The following IGSF10 variants were observed in gnomAD, a reference collection of about 807,000 sequenced individuals.
IGSF10 encodes the protein immunoglobulin superfamily member 10.
IGSF10 carries 126 observed loss-of-function variants against 128.2 expected under a neutral mutation model. That is an observed-to-expected ratio of 0.98 (90% CI 0.85 to 1.14). IGSF10 has a LOEUF of 1.14. Ranked by LOEUF, IGSF10 falls within the 50% of genes most tolerant of loss-of-function variation. The pLI is 0.00. For missense variants in IGSF10, 3,295 were observed against 3,149.8 expected (o/e 1.05, Z -1.10); for synonymous variants, 1,185 against 1,146.2 (o/e 1.03, Z -0.68).
At chr3:151,467,255 A>G in the IGSF10 span, among the ~76,000 whole-genome samples, 2 of 152,156 alleles carry the variant, frequency 1.3e-5, no homozygotes, top group Non-Finnish European at 2.9e-5. Flanking sequence ...CACCCTGAAG[A>G]TGATGAAAAA....
chr3:151,440,514 T>G, intron 7 of IGSF10: 1 of 456,556 alleles, frequency 2.2e-6, no homozygotes, highest in Admixed American at 2.4e-5. Context: ...TGTTTAATCT[T>G]GAAGTAATTC....
At chr3:151,527,174 T>TA in the IGSF10 span, among the ~76,000 whole-genome samples, 2 of 152,296 alleles carry the variant, frequency 1.3e-5, no homozygotes, top group South Asian at 4.1e-4. Context: ...ATTTTGCCTT[T>TA]AAATGACAGA....
upstream of IGSF10, among the ~76,000 whole-genome samples, chr3:151,464,162 T>C (rs1722197075): frequency 6.6e-6 from 1 of 152,232 alleles, no homozygotes; most frequent in Non-Finnish European, 1.5e-5. Flanking sequence ...TAAACCTGTG[T>C]TTCCTGGACT....
the IGSF10 span, among the ~76,000 whole-genome samples, chr3:151,611,038 A>T: frequency 6.6e-6 from 1 of 152,326 alleles, no homozygotes; most frequent in East Asian, 1.9e-4. Context: ...CTGTCCAGCT[A>T]ATCTATAACT....
rs760604211 is a variant in IGSF10 at position 151,437,211 on chromosome 3, TAGAG to T, written c.7346_7349del (p.Ser2449TyrfsTer24). On this transcript the variant is annotated frameshift_variant, in exon 8 of 8. Coordinates refer to ENST00000282466, the MANE Select transcript of IGSF10 (RefSeq NM_178822.5). LOFTEE classifies it low-confidence loss of function (END_TRUNC). ...TTCCATCAGACACACAATGCAGTGA[TAGAG>T]ATTCTCCACTGATGCCTTTTACTGT... The T allele has an allele frequency of 1.2e-6, 2 of 1,614,112 alleles. No individual in the cohort carries two copies. Among genetic ancestry groups the T allele is most frequent in the African/African-American group, 1.3e-5 (1 of 74,954 alleles).
chr3:151,524,208 G>GA, the IGSF10 span, among the ~76,000 whole-genome samples: 1 of 152,124 alleles, frequency 6.6e-6, no homozygotes, highest in Non-Finnish European at 1.5e-5. Context: ...AGTCATTGTG[G>GA]AAAGAAGCAT....
At position 151,436,753 on chromosome 3, in the gene IGSF10, T is replaced by A; in HGVS notation, c.7808A>T (p.Tyr2603Phe). ...QNPQTSDSGI[Y>F]KCTAKNPLGS... ...AAGTGGGTTCTTTGCTGTGCATTTG[T>A]ATATCCCAGAATCGGAGGTTTGGGG... Residue 2603 changes from tyrosine to phenylalanine, a missense_variant, in exon 8 of 8, where the codon TAC (tyrosine) becomes TTC (phenylalanine). Coordinates refer to ENST00000282466, the MANE Select transcript of IGSF10 (RefSeq NM_178822.5). 6.2e-7 allele frequency: 1 copy of A among 1,614,174 alleles called. No individual in the cohort carries two copies. Among genetic ancestry groups the A allele is most frequent in the Non-Finnish European group, 8.5e-7 (1 of 1,180,010 alleles).
In IGSF10 at chr3:151,443,900, G is replaced by C. The variant is rs764219299; in HGVS notation, c.5063-16C>G. Reference sequence around the variant, plus strand: ...AAATCAAGTCCTGAGAAGAAAAAAAGAAAATTATTGCTACGGGTCATCAAA... The same window carrying C: ...AAATCAAGTCCTGAGAAGAAAAAAACAAAATTATTGCTACGGGTCATCAAA... On this transcript the variant is annotated splice_polypyrimidine_tract_variant and intron_variant, in intron 6 of 7. Coordinates refer to ENST00000282466, the MANE Select transcript of IGSF10 (RefSeq NM_178822.5). 6.4e-7 allele frequency: 1 copy of C among 1,551,516 alleles called. No homozygotes were observed. Among genetic ancestry groups the C allele is most frequent in the South Asian group, 1.2e-5 (1 of 83,550 alleles).
chr3:151,518,030 ACTCT>A, the IGSF10 span, among the ~76,000 whole-genome samples: 3 of 151,824 alleles, frequency 2.0e-5, no homozygotes, highest in Admixed American at 1.3e-4. Flanking sequence ...ATGACTAATC[ACTCT>A]CTCCAAATTG....
the IGSF10 span, among the ~76,000 whole-genome samples, chr3:151,472,060 A>G: frequency 1.3e-5 from 2 of 152,196 alleles, no homozygotes; most frequent in African/African-American, 4.8e-5. Context: ...ACAACTCATC[A>G]TGGAACAGAC....
At chr3:151,465,048 T>G (rs1722233224), upstream of IGSF10, among the ~76,000 whole-genome samples, 1 of 152,226 alleles carries the variant, frequency 6.6e-6, no homozygotes, top group African/African-American at 2.4e-5. Context: ...GTCCATGGAC[T>G]CTGGATTATA....
the IGSF10 span, among the ~76,000 whole-genome samples, chr3:151,522,249 C>T: frequency 6.6e-6 from 1 of 152,086 alleles, no homozygotes; most frequent in African/African-American, 2.4e-5. Flanking sequence ...GCTTCATAGC[C>T]AAATTCTGCC....
At chr3:151,602,761 T>C in the IGSF10 span, among the ~76,000 whole-genome samples, 1 of 152,168 alleles carries the variant, frequency 6.6e-6, no homozygotes, top group Non-Finnish European at 1.5e-5. Flanking sequence ...CTCTTTTAAG[T>C]GGCCAGGAAC....
chr3:151,522,201 A>G, the IGSF10 span, among the ~76,000 whole-genome samples: 1 of 151,992 alleles, frequency 6.6e-6, no homozygotes, highest in Non-Finnish European at 1.5e-5. Context: ...AATCACTAAT[A>G]AATAGCTTGC....
chr3:151,552,898 A>C, the IGSF10 span, among the ~76,000 whole-genome samples: 4 of 152,148 alleles, frequency 2.6e-5, no homozygotes, highest in Non-Finnish European at 5.9e-5. Flanking sequence ...CATAATATCT[A>C]AGAGGAAGTG....
chr3:151,437,748 G>GACTT lies in IGSF10; in HGVS notation c.6809_6812dup (p.Met2272SerfsTer24), dbSNP rs763240944. On this transcript the variant is annotated frameshift_variant, in exon 8 of 8. Coordinates refer to ENST00000282466, the MANE Select transcript of IGSF10 (RefSeq NM_178822.5). LOFTEE classifies it low-confidence loss of function (END_TRUNC). ...AAATATTGTCTGGCATGATCCACAT[G>GACTT]ACTTCAGGAGATGGTGTCCCTTCAG... 2.5e-6 allele frequency: 4 copies of GACTT among 1,613,854 alleles called. No homozygotes were observed. In the African/African-American group the frequency reaches 5.3e-5, roughly 22 times the overall value.
chr3:151,535,289 C>G, the IGSF10 span, among the ~76,000 whole-genome samples: 1 of 152,000 alleles, frequency 6.6e-6, no homozygotes, highest in Admixed American at 6.6e-5. Context: ...AAAAAAATAA[C>G]AAAATCACAT....
the IGSF10 span, among the ~76,000 whole-genome samples, chr3:151,553,218 A>ATCT: frequency 3.3e-5 from 5 of 152,330 alleles, no homozygotes; most frequent in South Asian, 1.0e-3. Context: ...AGATGGTAAT[A>ATCT]TAAAGACAAA....
the IGSF10 span, among the ~76,000 whole-genome samples, chr3:151,607,851 C>G: frequency 7.6e-6 from 1 of 132,260 alleles, no homozygotes; most frequent in Non-Finnish European, 1.5e-5. Context: ...GCAGATCTTG[C>G]AGTGAGCTGA....
Sources: gnomAD v4.1 joint callset for allele counts (sites outside exome capture counted in the v4.1 genomes callset) on GRCh38, gnomAD v4.1.1 for gene constraint, MANE v1.5 for transcripts, NCBI Gene and HGNC (gene_info 2026-07-23, HGNC 2026-07-21) for gene names.